DAB1: variants seen among roughly 807,000 people sequenced by gnomAD.
DAB1 encodes the protein disabled homolog 1.
A neutral mutation model predicts 64.6 loss-of-function variants in DAB1; 15 were observed. That is an observed-to-expected ratio of 0.23 (90% CI 0.16 to 0.36). DAB1 has a LOEUF of 0.36. Among genes scored for constraint, DAB1 ranks in the 10% least tolerant of loss-of-function variants. The pLI, the probability that DAB1 is intolerant of heterozygous loss-of-function variation, is 1.00. For missense variants in DAB1, 596 were observed against 706.7 expected, an observed-to-expected ratio of 0.84 and a Z score of 1.78; for synonymous variants, 235 against 251.9, an observed-to-expected ratio of 0.93 and a Z score of 0.64.
intron 7 of DAB1, among the ~76,000 whole-genome samples, chr1:57,618,588 A>G (rs1645817794): frequency 6.6e-6 from 1 of 152,108 alleles, no homozygotes. Context: ...GGGAGCTTAG[A>G]CGGTGGACAG....
chr1:58,457,870 G>C (rs1033627708), intron 3 of DAB1, among the ~76,000 whole-genome samples: 1 of 152,184 alleles, frequency 6.6e-6, no homozygotes, highest in African/African-American at 2.4e-5. Context: ...GGGGAAAGGT[G>C]GGGAGAAAAG....
In DAB1 at chr1:57,488,429, A is replaced by G. The variant is rs1213558622; in HGVS notation, n.625+161163T>C. 4.1e-5 allele frequency among the ~76,000 whole-genome samples: 6 copies of G among 147,342 alleles called. No individual in the cohort carries two copies. The East Asian group carries it at 1.2e-3, about 30-fold the overall frequency. On this transcript the variant is annotated intron_variant and non_coding_transcript_variant, in intron 7 of 20. Transcript: ENST00000485760. The stretch of plus-strand genomic sequence containing the variant: ...AAAAAAAAAAAAAAAAAAAGTTTGT[A>G]TATTTGGGAGGCCGAGGCGGGCAGA...
intron 4 of DAB1, among the ~76,000 whole-genome samples, chr1:57,078,623 T>C (rs1010749576): frequency 6.6e-6 from 1 of 152,130 alleles, no homozygotes; most frequent in Non-Finnish European, 1.5e-5. Flanking sequence ...ATCTCTCTCA[T>C]GGTGTTGTTA....
chr1:58,266,316 G>A (rs1661162283), intron 4 of DAB1, among the ~76,000 whole-genome samples: 1 of 152,120 alleles, frequency 6.6e-6, no homozygotes, highest in Non-Finnish European at 1.5e-5. Context: ...GGGTAGGGAA[G>A]GATTCTACAC....
intron 4 of DAB1, among the ~76,000 whole-genome samples, chr1:58,305,883 G>A (rs1035005928): frequency 3.3e-5 from 5 of 152,192 alleles, no homozygotes; most frequent in Admixed American, 6.5e-5. Flanking sequence ...CCTTGCAGTG[G>A]TGCTGTGGTG....
chr1:58,001,555 C>A (rs1646507297), intron 5 of DAB1, among the ~76,000 whole-genome samples: 1 of 152,194 alleles, frequency 6.6e-6, no homozygotes, highest in Non-Finnish European at 1.5e-5. Context: ...CCACCACACC[C>A]AGCTGAAAAG....
At chr1:58,503,185 G>A (rs956085055) in intron 3 of DAB1, among the ~76,000 whole-genome samples, 3 of 151,904 alleles carry the variant, frequency 2.0e-5, no homozygotes, top group Non-Finnish European at 2.9e-5. Context: ...TTCATTGAGC[G>A]AAAATAAAAA....
chr1:57,077,256 C>T (rs1460876237), intron 4 of DAB1, among the ~76,000 whole-genome samples: 1 of 152,224 alleles, frequency 6.6e-6, no homozygotes. Context: ...CATCTATGCA[C>T]ATGTTTTCTC....
chr1:57,707,575 T>G (rs1276641326), intron 6 of DAB1, among the ~76,000 whole-genome samples: 2 of 152,208 alleles, frequency 1.3e-5, no homozygotes, highest in East Asian at 3.9e-4. Flanking sequence ...GGTAAGTGTT[T>G]AATCTTATAA....
intron 5 of DAB1, among the ~76,000 whole-genome samples, chr1:57,895,009 G>A (rs373933762): frequency 4.0e-5 from 6 of 151,804 alleles, no homozygotes; most frequent in African/African-American, 1.5e-4. Flanking sequence ...GGCCTGCAGT[G>A]CTCACACCTG....
chr1:57,218,208 G>A (rs1303032802), intron 2 of DAB1, among the ~76,000 whole-genome samples: 5 of 152,128 alleles, frequency 3.3e-5, no homozygotes, highest in East Asian at 1.9e-4. Context: ...CAAAGGCACC[G>A]AGGAAAGGGA....
intron 7 of DAB1, among the ~76,000 whole-genome samples, chr1:57,570,673 A>T (rs2691425): frequency 6.6e-6 from 1 of 151,800 alleles, no homozygotes. Context: ...TTTTAATTCC[A>T]TATGAATTTT....
At position 57,553,473 on chromosome 1, in the gene DAB1, A is replaced by AAAGGAAGGAAGGAAGG. The variant is rs71051238; in HGVS notation, n.625+96103_625+96118dup. ...GAAAGAAAGAAAGAGAAAGGGAAAGAAAGGAAGGAAGGAAGGAAGGAAGGA... is the reference window on the plus strand; with the variant it reads ...GAAAGAAAGAAAGAGAAAGGGAAAGAAAGGAAGGAAGGAAGGAAGGAAGGAAGGAAGGAAGGAAGGA... On this transcript the variant is annotated intron_variant and non_coding_transcript_variant, in intron 7 of 20. Transcript: ENST00000485760. Among the ~76,000 whole-genome samples the AAAGGAAGGAAGGAAGG allele has an allele frequency of 6.6e-4, 17 of 25,652 alleles. 1 individual carries two copies. Among genetic ancestry groups the AAAGGAAGGAAGGAAGG allele is most frequent in the East Asian group, 8.5e-3 (2 of 234 alleles). The allele number at this position is 25,652 out of a possible 152,430, so 16.8% of individuals were successfully genotyped here.
chr1:57,851,341 G>A (rs1324384605), intron 1 of DAB1, among the ~76,000 whole-genome samples: 5 of 152,204 alleles, frequency 3.3e-5, no homozygotes, highest in Non-Finnish European at 7.3e-5. Context: ...TGTTCACTTT[G>A]ACGTTGATTT....
At chr1:57,314,230 A>C (rs1674990771) in intron 1 of DAB1, among the ~76,000 whole-genome samples, 1 of 152,216 alleles carries the variant, frequency 6.6e-6, no homozygotes, top group Non-Finnish European at 1.5e-5. Flanking sequence ...TAATACTGAC[A>C]ACAGACTTAA....
chr1:58,172,512 C>A (rs1462285780), intron 4 of DAB1, among the ~76,000 whole-genome samples: 1 of 152,182 alleles, frequency 6.6e-6, no homozygotes, highest in African/African-American at 2.4e-5. Context: ...CTTGAGGGAC[C>A]AGTGCTTCAA....
intron 6 of DAB1, among the ~76,000 whole-genome samples, chr1:57,765,275 T>C (rs972183846): frequency 6.6e-6 from 1 of 152,200 alleles, no homozygotes; most frequent in Non-Finnish European, 1.5e-5. Flanking sequence ...ATATAAAAGA[T>C]GCTTTAGCTA....
chr1:57,822,510 G>A (rs919686258), downstream of DAB1, among the ~76,000 whole-genome samples: 5 of 152,064 alleles, frequency 3.3e-5, no homozygotes, highest in Admixed American at 6.6e-5. Flanking sequence ...TAGTAAAAGG[G>A]GTCACTACTA....
intron 5 of DAB1, among the ~76,000 whole-genome samples, chr1:58,100,182 T>G (rs903643414): frequency 1.9e-4 from 29 of 152,242 alleles, no homozygotes; most frequent in Non-Finnish European, 5.9e-5. Context: ...TCACCACTAT[T>G]CATATCCAGA....
Sources: gnomAD v4.1 joint callset for allele counts (sites outside exome capture counted in the v4.1 genomes callset) on GRCh38, gnomAD v4.1.1 for gene constraint, MANE v1.5 for transcripts, NCBI Gene and HGNC (gene_info 2026-07-23, HGNC 2026-07-21) for gene names.